ADAMTSL1: variants seen among roughly 807,000 people sequenced by gnomAD.
The protein encoded by ADAMTSL1 is ADAMTS like 1, also known as ADAMTS-like protein 1.
ADAMTSL1 carries 126 observed loss-of-function variants against 201.8 expected under a neutral mutation model. The observed-to-expected ratio is 0.62, with a 90% CI of 0.54 to 0.72. The LOEUF (loss-of-function observed/expected upper bound fraction) is 0.72. Ranked by LOEUF, ADAMTSL1 falls within the 30% of genes least tolerant of loss-of-function variation. ADAMTSL1 has a pLI of 0.00. For missense variants in ADAMTSL1, 2,679 were observed against 2,277.8 expected (o/e 1.18, Z -3.59); for synonymous variants, 1,121 against 903.4 (o/e 1.24, Z -4.32).
intron 1 of ADAMTSL1, among the ~76,000 whole-genome samples, chr9:18,162,288 G>A (rs1385579757): frequency 1.3e-5 from 2 of 151,906 alleles, no homozygotes; most frequent in Admixed American, 1.3e-4. Flanking sequence ...TCACATCGCT[G>A]ACTTCCTCTT....
chr9:18,298,535 G>C (rs1833565157), intron 2 of ADAMTSL1, among the ~76,000 whole-genome samples: 1 of 152,156 alleles, frequency 6.6e-6, no homozygotes, highest in African/African-American at 2.4e-5. Flanking sequence ...GAGGGTGTGT[G>C]TGTGTGCACG....
chr9:18,212,484 G>T (rs1203552736), intron 2 of ADAMTSL1, among the ~76,000 whole-genome samples: 1 of 152,174 alleles, frequency 6.6e-6, no homozygotes, highest in Non-Finnish European at 1.5e-5. Context: ...TATTTTACTT[G>T]TCACTATGTC....
intron 1 of ADAMTSL1, among the ~76,000 whole-genome samples, chr9:17,968,668 G>A (rs1818077539): frequency 6.6e-6 from 1 of 152,086 alleles, no homozygotes. Context: ...CTGTTTCCAG[G>A]TCTTACAGAA....
At chr9:18,515,161 T>C (rs1197826674) in intron 2 of ADAMTSL1, among the ~76,000 whole-genome samples, 1 of 152,172 alleles carries the variant, frequency 6.6e-6, no homozygotes, top group Admixed American at 6.5e-5. Context: ...TTAGGATCTC[T>C]TGGGGTAGAT....
rs137977990 is a variant in ADAMTSL1, at chr9:18,249,536, G to A, written c.207+85555G>A. ...AAATCTTACTATTTACCATATTTGC[G>A]TTAGGTTCTTTTTTTAGTAGATCAA... On this transcript the variant is annotated intron_variant, in intron 2 of 29. Coordinates refer to the ADAMTSL1 transcript ENST00000680146. Among the ~76,000 whole-genome samples, 110 of 152,152 alleles carry A rather than the reference G, an allele frequency of 7.2e-4. 2 individuals are homozygous for A. The East Asian group carries it at 0.018, about 24-fold the overall frequency.
intron 4 of ADAMTSL1, among the ~76,000 whole-genome samples, chr9:18,621,667 G>A (rs182243032): frequency 4.9e-4 from 74 of 151,978 alleles, no homozygotes; most frequent in Admixed American, 9.2e-4. Context: ...AGAAAAGGAA[G>A]TATTTTCATT....
At chr9:18,754,756 G>A (rs1023126655) in intron 16 of ADAMTSL1, among the ~76,000 whole-genome samples, 1 of 152,122 alleles carries the variant, frequency 6.6e-6, no homozygotes, top group Non-Finnish European at 1.5e-5. Context: ...AAAACACTAA[G>A]TATGAAGCCT....
At chr9:18,082,170 T>C (rs752578847) in intron 1 of ADAMTSL1, among the ~76,000 whole-genome samples, 22 of 152,214 alleles carry the variant, frequency 1.4e-4, no homozygotes, top group Non-Finnish European at 2.9e-4. Context: ...CAGGTTTATA[T>C]AAAGGCGGAA....
intron 1 of ADAMTSL1, among the ~76,000 whole-genome samples, chr9:18,069,337 T>C (rs923737850): frequency 6.6e-6 from 1 of 152,194 alleles, no homozygotes; most frequent in Non-Finnish European, 1.5e-5. Context: ...ACTGGAAACA[T>C]TTAAATTATA....
At chr9:18,618,727 T>C (rs1825851094) in intron 4 of ADAMTSL1, among the ~76,000 whole-genome samples, 1 of 152,072 alleles carries the variant, frequency 6.6e-6, no homozygotes, top group Admixed American at 6.6e-5. Context: ...AGCAGGAAGG[T>C]AGGAAGGCAG....
At chr9:18,887,111 A>T (rs1828946957) in intron 23 of ADAMTSL1, among the ~76,000 whole-genome samples, 2 of 152,258 alleles carry the variant, frequency 1.3e-5, no homozygotes, top group South Asian at 4.1e-4. Flanking sequence ...GCACAACAGC[A>T]AATTCAGCAA....
At chr9:18,814,240 C>A (rs1823694783) in intron 20 of ADAMTSL1, among the ~76,000 whole-genome samples, 2 of 152,140 alleles carry the variant, frequency 1.3e-5, no homozygotes, top group African/African-American at 4.8e-5. Context: ...GATGAAACTT[C>A]TTCATGGTGA....
At chr9:18,490,780 G>C (rs1355386920) in intron 1 of ADAMTSL1, among the ~76,000 whole-genome samples, 1 of 152,184 alleles carries the variant, frequency 6.6e-6, no homozygotes, top group Non-Finnish European at 1.5e-5. Context: ...AAAGTCATAG[G>C]ATGTGGTGAA....
At position 18,753,231 on chromosome 9, in the gene ADAMTSL1, G is replaced by A. The variant is rs143877336; in HGVS notation, c.2007-67G>A. 5.6e-5 allele frequency: 83 copies of A among 1,487,814 alleles called. 1 individual carries two copies. In the African/African-American group the frequency reaches 7.6e-4, roughly 14 times the overall value. The allele number at this position is 1,487,814 out of a possible 1,614,324, so 92.2% of individuals were successfully genotyped here. A position where few individuals can be genotyped will look rare whatever the true frequency, so the allele number is the denominator to read the frequency against. On this transcript the variant is annotated intron_variant, in intron 15 of 28. Coordinates refer to ENST00000380548, the MANE Select transcript of ADAMTSL1 (RefSeq NM_001040272.6). The stretch of plus-strand genomic sequence containing the variant: ...AGTTAGGGGTTTTAACTCCATTTGA[G>A]TTCATGGGAAACATTCTCTGCACAG...
chr9:18,622,255 G>A lies in ADAMTSL1; in HGVS notation c.487G>A (p.Asp163Asn), dbSNP rs78573779. The A allele has an allele frequency of 7.4e-6, 12 of 1,613,774 alleles. No homozygotes were observed. The Admixed American group carries it at 1.0e-4, about 13-fold the overall frequency. ...ISGLCQIVGC[D>N]HQLGSTVKED... Reference sequence around the variant, plus strand: ...TCTTTCTTGTTAGATTGTTGGCTGCGATCACCAGCTGGGAAGCACCGTCAA... The same window carrying A: ...TCTTTCTTGTTAGATTGTTGGCTGCAATCACCAGCTGGGAAGCACCGTCAA... Residue 163 changes from aspartate (D) to asparagine (N), a missense_variant, in exon 5 of 29, where the codon GAT (aspartate) becomes AAT (asparagine). Physicochemically the swap from Asp to Asn is conservative, Grantham distance 23 (BLOSUM62 1). Transcript: ENST00000380548.
At chr9:18,250,628 A>T (rs1419017726) in intron 2 of ADAMTSL1, among the ~76,000 whole-genome samples, 1 of 151,746 alleles carries the variant, frequency 6.6e-6, no homozygotes, top group Non-Finnish European at 1.5e-5. Flanking sequence ...TGACCTGGGA[A>T]CACCTGAATC....
At chr9:18,160,155 T>C (rs1827321061) in intron 1 of ADAMTSL1, among the ~76,000 whole-genome samples, 1 of 152,034 alleles carries the variant, frequency 6.6e-6, no homozygotes, top group Non-Finnish European at 1.5e-5. Context: ...GTTGGTTCTC[T>C]AAGGAATGCT....
intron 21 of ADAMTSL1, among the ~76,000 whole-genome samples, chr9:18,824,032 G>C (rs1333306439): frequency 2.0e-5 from 3 of 150,646 alleles, no homozygotes; most frequent in Non-Finnish European, 4.4e-5. Context: ...AAGGAAGGAA[G>C]GAACGAAGGA....
intron 1 of ADAMTSL1, among the ~76,000 whole-genome samples, chr9:18,014,459 A>T (rs977241776): frequency 6.6e-6 from 1 of 152,080 alleles, no homozygotes; most frequent in Admixed American, 6.6e-5. Context: ...CTGGTGAAAC[A>T]ACTCAACCTA....
Sources: gnomAD v4.1 joint callset for allele counts (sites outside exome capture counted in the v4.1 genomes callset) on GRCh38, gnomAD v4.1.1 for gene constraint, MANE v1.5 for transcripts, NCBI Gene and HGNC (gene_info 2026-07-23, HGNC 2026-07-21) for gene names.